CTNNA2: variants seen among roughly 807,000 people sequenced by gnomAD.
The protein encoded by CTNNA2 is catenin alpha-2.
Under a neutral mutation model 101.0 loss-of-function variants are expected in CTNNA2, and 42 were observed. That is an observed-to-expected ratio of 0.42 (90% CI 0.32 to 0.54). The LOEUF is 0.54. CTNNA2 is among the 20% of genes least tolerant of loss of function. The pLI, the probability that CTNNA2 is intolerant of heterozygous loss-of-function variation, is 0.14. For missense variants in CTNNA2, 871 were observed against 1,223.1 expected, an observed-to-expected ratio of 0.71 and a Z score of 4.29; for synonymous variants, 450 against 456.4, an observed-to-expected ratio of 0.99 and a Z score of 0.18.
intron 7 of CTNNA2, among the ~76,000 whole-genome samples, chr2:80,218,579 C>A (rs1708402543): frequency 6.6e-6 from 1 of 152,172 alleles, no homozygotes; most frequent in African/African-American, 2.4e-5. Context: ...AGCTCTGTCA[C>A]CTTGAACATA....
At chr2:80,032,700 G>A (rs1221185152) in intron 7 of CTNNA2, among the ~76,000 whole-genome samples, 1 of 152,128 alleles carries the variant, frequency 6.6e-6, no homozygotes, top group Non-Finnish European at 1.5e-5. Context: ...CTGGTTAGAA[G>A]ATTTAATGAT....
rs549644518 is a variant in CTNNA2 at position 79,745,439 on chromosome 2, A to T, written c.298+857A>T. On this transcript the variant is annotated intron_variant, in intron 3 of 18. Transcript: ENST00000402739. Reference sequence around the variant, plus strand: ...GAGTGAGACTCCATCTCTTAAAAAAAAAAAATAAAATAAAAAGAAAAAAGT... The same window carrying T: ...GAGTGAGACTCCATCTCTTAAAAAATAAAAATAAAATAAAAAGAAAAAAGT... 7.2e-5 allele frequency among the ~76,000 whole-genome samples: 11 copies of T among 151,870 alleles called. No homozygotes were observed. The East Asian group carries it at 1.2e-3, about 16-fold the overall frequency.
intron 7 of CTNNA2, among the ~76,000 whole-genome samples, chr2:79,946,606 A>G (rs886272709): frequency 3.3e-5 from 5 of 152,208 alleles, no homozygotes; most frequent in African/African-American, 7.2e-5. Context: ...CCTCCATTAT[A>G]ATTTAATCTT....
intron 4 of CTNNA2, among the ~76,000 whole-genome samples, chr2:79,493,378 A>G (rs142271728): frequency 0.015 from 2,220 of 152,236 alleles, 87 homozygotes; most frequent in East Asian, 0.13. Context: ...AGCACTTTGG[A>G]AGGCTGAGGC....
At chr2:79,595,181 A>G (rs1264591358) in intron 1 of CTNNA2, among the ~76,000 whole-genome samples, 3 of 152,166 alleles carry the variant, frequency 2.0e-5, no homozygotes, top group Admixed American at 6.5e-5. Context: ...CCGGTTCTGC[A>G]CTTGTCTCTG....
intron 3 of CTNNA2, among the ~76,000 whole-genome samples, chr2:79,353,663 T>C (rs150050523): frequency 1.2e-3 from 181 of 152,300 alleles, no homozygotes; most frequent in African/African-American, 3.7e-3. Flanking sequence ...TTTGGAACAT[T>C]ACATTCAAGA....
In CTNNA2 at chr2:79,750,840, C is replaced by G. The variant is rs766019223; in HGVS notation, c.298+6258C>G. Among the ~76,000 whole-genome samples the G allele has an allele frequency of 3.3e-5, 5 of 151,108 alleles. No homozygotes were observed. In the South Asian group the frequency reaches 1.0e-3, roughly 32 times the overall value. On this transcript the variant is annotated intron_variant, in intron 3 of 18. Coordinates refer to ENST00000402739, the MANE Select transcript of CTNNA2 (RefSeq NM_001282597.3). Reference sequence around the variant, plus strand: ...TGAACCAAGATCTTGCCACTGCACTCCAGCCTGGATGACAGAGTGAGACTC... The same window carrying G: ...TGAACCAAGATCTTGCCACTGCACTGCAGCCTGGATGACAGAGTGAGACTC...
intron 9 of CTNNA2, among the ~76,000 whole-genome samples, chr2:80,485,161 T>C (rs904005905): frequency 6.6e-6 from 1 of 152,174 alleles, no homozygotes; most frequent in African/African-American, 2.4e-5. Flanking sequence ...AATGTGTATA[T>C]AAATTCTACT....
At chr2:80,306,145 G>A (rs1309893484) in intron 7 of CTNNA2, among the ~76,000 whole-genome samples, 1 of 151,996 alleles carries the variant, frequency 6.6e-6, no homozygotes, top group Non-Finnish European at 1.5e-5. Flanking sequence ...ATTCCATTTT[G>A]TATTCATCTG....
chr2:80,104,926 A>T (rs1283024696), intron 7 of CTNNA2, among the ~76,000 whole-genome samples: 1 of 152,190 alleles, frequency 6.6e-6, no homozygotes, highest in Admixed American at 6.5e-5. Context: ...TGCTTCACAG[A>T]TGGCTCTTGT....
At chr2:79,395,245 T>TTTA (rs1678216604) in intron 4 of CTNNA2, among the ~76,000 whole-genome samples, 1 of 152,136 alleles carries the variant, frequency 6.6e-6, no homozygotes, top group South Asian at 2.1e-4. Flanking sequence ...TATTTTCTTT[T>TTTA]TTATTATTAT....
At chr2:79,277,992 G>A (rs933367614) in intron 2 of CTNNA2, among the ~76,000 whole-genome samples, 9 of 152,072 alleles carry the variant, frequency 5.9e-5, no homozygotes, top group East Asian at 3.9e-4. Flanking sequence ...TTAAACCTCC[G>A]TATGTAAGGT....
At chr2:79,445,796 A>G (rs1678825997) in intron 4 of CTNNA2, among the ~76,000 whole-genome samples, 2 of 152,138 alleles carry the variant, frequency 1.3e-5, no homozygotes, top group Admixed American at 1.3e-4. Flanking sequence ...AGTTTAACTA[A>G]AATTTAAAAC....
rs1681173496 is a variant in CTNNA2, at chr2:79,650,677, G to A, written c.-5-875G>A. Among the ~76,000 whole-genome samples, 8 of 149,158 alleles carry A rather than the reference G, an allele frequency of 5.4e-5. No homozygotes were observed. In the South Asian group the frequency reaches 1.7e-3, roughly 32 times the overall value. On this transcript the variant is annotated intron_variant, in intron 1 of 18. Coordinates refer to ENST00000402739, the MANE Select transcript of CTNNA2 (RefSeq NM_001282597.3). Reference sequence around the variant, plus strand: ...ATACTTCAAGTTTTAGGGTACATGTGCACATTGTGCAGGTTAGTTACATAC... The same window carrying A: ...ATACTTCAAGTTTTAGGGTACATGTACACATTGTGCAGGTTAGTTACATAC...
chr2:80,045,807 AT>A (rs1558757997), intron 7 of CTNNA2, among the ~76,000 whole-genome samples: 1 of 152,170 alleles, frequency 6.6e-6, no homozygotes, highest in East Asian at 1.9e-4. Context: ...AAAACAGGCC[AT>A]TGAAAAAAAA....
At chr2:80,517,030 C>T (rs1689162896) in intron 9 of CTNNA2, among the ~76,000 whole-genome samples, 1 of 152,090 alleles carries the variant, frequency 6.6e-6, no homozygotes, top group African/African-American at 2.4e-5. Flanking sequence ...AAACAATCCT[C>T]CTGTTTGTCT....
chr2:80,034,306 A>G (rs936036773), intron 7 of CTNNA2, among the ~76,000 whole-genome samples: 2 of 151,790 alleles, frequency 1.3e-5, no homozygotes, highest in Admixed American at 6.6e-5. Flanking sequence ...ACAGGGAAGT[A>G]CAAACAGTTC....
At chr2:80,009,972 A>C (rs1245847788) in intron 7 of CTNNA2, among the ~76,000 whole-genome samples, 1 of 152,050 alleles carries the variant, frequency 6.6e-6, no homozygotes, top group Non-Finnish European at 1.5e-5. Context: ...AATTGATTAG[A>C]CTCATCAAGG....
chr2:79,488,774 T>C (rs528398307), intron 4 of CTNNA2, among the ~76,000 whole-genome samples: 2 of 152,334 alleles, frequency 1.3e-5, no homozygotes, highest in South Asian at 4.1e-4. Context: ...CCTCTCATGC[T>C]ATTGGTTTCA....
Sources: allele counts gnomAD v4.1 joint callset (sites outside exome capture counted in the v4.1 genomes callset), GRCh38; gene constraint gnomAD v4.1.1; transcripts MANE v1.5; gene names NCBI Gene and HGNC (gene_info 2026-07-23, HGNC 2026-07-21).